The following KCNN4 variants were observed in gnomAD, a reference collection of about 807,000 sequenced individuals.
KCNN4 encodes potassium calcium-activated channel subfamily N member 4.
Under a neutral mutation model 45.2 loss-of-function variants are expected in KCNN4, and 31 were observed. The observed-to-expected ratio is 0.69, with a 90% CI of 0.52 to 0.92. The LOEUF is 0.92. KCNN4 is among the 40% of genes least tolerant of loss of function. The pLI is 0.00. For synonymous variants in KCNN4, 231 were observed against 254.6 expected (o/e 0.91, Z 0.88); for missense variants, 463 against 574.0 (o/e 0.81, Z 1.98).
intron 1 of KCNN4, among the ~76,000 whole-genome samples, chr19:43,779,750 C>T (rs1969918590): frequency 6.6e-6 from 1 of 152,080 alleles, no homozygotes; most frequent in African/African-American, 2.4e-5. Context: ...GCCCCTCTTC[C>T]CCAAAAGCAA....
Position 43,769,790 on chromosome 19 carries a change from G to A in KCNN4, c.859C>T (p.Arg287Trp), listed in dbSNP as rs568679538. 2.5e-6 allele frequency: 4 copies of A among 1,613,610 alleles called. No homozygotes were observed. The highest frequency in any genetic ancestry group is 3.3e-5 in the Admixed American group (2 of 59,994). The stretch of plus-strand genomic sequence containing the variant: ...TCTGCCTTGTTAAACTCCAGCTTCC[G>A]GGCCACCACGGCCACCAGCAGGGCT... ...CTALLVAVVA[R>W]KLEFNKAEKH... Residue 287 changes from arginine (R) to tryptophan (W), a missense_variant, in exon 5 of 9, where the codon CGG (arginine) becomes TGG (tryptophan). Physicochemically the swap from Arg to Trp is moderately radical, Grantham distance 101. Around this residue, in one of 3 missense-constraint regions of KCNN4, gnomAD observed 109 missense variants for 183.7 expected, o/e 0.59. Transcript: ENST00000648319. This position sits in a 1 kb window ranked among gnomAD's most constrained non-coding sequence, Gnocchi z 4.4.
Position 43,772,003 on chromosome 19 carries a change from G to T in KCNN4, c.816C>A (p.Val272=). 1 of 1,607,784 alleles carries T rather than the reference G, an allele frequency of 6.2e-7. No individual in the cohort carries two copies. Among genetic ancestry groups the T allele is most frequent in the Non-Finnish European group, 8.5e-7 (1 of 1,177,610 alleles). The change falls in exon 4 of 9, where the codon GTC becomes GTA. Residue 272 remains valine, a synonymous_variant. Coordinates refer to ENST00000648319, the MANE Select transcript of KCNN4 (RefSeq NM_002250.3). The surrounding 1 kb of genome is among the most constrained non-coding windows in gnomAD (Gnocchi z 4.4). The part of the protein sequence containing the change: ...WGKIVCLCTG[V]MGVCCTALLV... The stretch of plus-strand genomic sequence containing the variant: ...TCCCCAAGGCAGCTGTACTCACCAT[G>T]ACTCCAGTGCACAGGCAGACGATCT...
intron 8 of KCNN4, 195 bp downstream of exon 8, chr19:43,767,345 G>A (rs1474056748): frequency 4.7e-6 from 3 of 632,494 alleles, no homozygotes; most frequent in South Asian, 2.1e-5. Flanking sequence ...GGTCAGTGAA[G>A]GGGAGAGGGT....
rs1387698509 is a variant in KCNN4, at chr19:43,769,477, G to A, written c.1014C>T (p.Arg338=). ...CGGCCAGCAGCTTGCGCTGATGCCT[G>A]CGGGCAGCATGAGACTCCTTCCTGC... is the stretch of plus-strand genomic sequence containing the variant. The part of the protein sequence containing the change: ...HTRRKESHAA[R]RHQRKLLAAI... Residue 338 remains arginine (R), a synonymous_variant, in exon 6 of 9, where the codon CGC becomes CGT. Transcript: ENST00000648319. The surrounding 1 kb of genome is among the most constrained non-coding windows in gnomAD (Gnocchi z 4.4). 4 of 1,614,122 alleles carry A rather than the reference G, an allele frequency of 2.5e-6. No homozygotes were observed. In the African/African-American group the frequency reaches 4.0e-5, roughly 16 times the overall value.
At chr19:43,768,851 A>G in intron 7 of KCNN4, 112 bp downstream of exon 7, 1 of 922,098 alleles carries the variant, frequency 1.1e-6, no homozygotes, top group Non-Finnish European at 1.8e-6. Context: ...CTTTACTGAC[A>G]GGCTGTGTGT....
At chr19:43,775,806 C>T (rs1354813859) in intron 2 of KCNN4, among the ~76,000 whole-genome samples, 4 of 151,784 alleles carry the variant, frequency 2.6e-5, no homozygotes, top group Admixed American at 2.6e-4. Flanking sequence ...GTTATTGGCA[C>T]AGAGATAGGG....
At chr19:43,771,432 G>C (rs1969640367) in intron 4 of KCNN4, among the ~76,000 whole-genome samples, 1 of 152,174 alleles carries the variant, frequency 6.6e-6, no homozygotes, top group Non-Finnish European at 1.5e-5. Flanking sequence ...GGCCCCGAGA[G>C]ATCACGTGGC....
intron 8 of KCNN4, 92 bp from the exon 9 acceptor site, chr19:43,767,181 A>G (rs937394147): frequency 3.3e-5 from 8 of 242,530 alleles, no homozygotes; most frequent in South Asian, 6.2e-5. Flanking sequence ...ACCGGTGGGC[A>G]GAAGTGGGAG....
Position 43,780,715 on chromosome 19 carries a change from G to A in KCNN4, c.147C>T (p.Phe49=), listed in dbSNP as rs529853437. ...LMVLHAEMLW[F]GGCSWALYLF... ...ATGCCCCACTCACCGAGCACCCCCC[G>A]AACCACAGCATCTCTGCATGCAGCA... The change falls in exon 1 of 9, where the codon TTC becomes TTT. Residue 49 remains phenylalanine, a synonymous_variant. Coordinates refer to ENST00000648319, the MANE Select transcript of KCNN4 (RefSeq NM_002250.3). 30 of 1,600,868 alleles carry A rather than the reference G, an allele frequency of 1.9e-5. No individual in the cohort carries two copies. The highest frequency in any genetic ancestry group is 1.9e-4 in the Admixed American group (11 of 59,026).
intron 1 of KCNN4, among the ~76,000 whole-genome samples, chr19:43,777,444 G>C (rs1199395520): frequency 6.6e-6 from 1 of 151,728 alleles, no homozygotes; most frequent in Non-Finnish European, 1.5e-5. Context: ...CCCAACCCCA[G>C]ATCTGGAAGA....
intron 2 of KCNN4, among the ~76,000 whole-genome samples, chr19:43,775,343 T>A (rs1969769354): frequency 6.6e-6 from 1 of 152,020 alleles, no homozygotes; most frequent in Non-Finnish European, 1.5e-5. Flanking sequence ...AACAAAACAA[T>A]AACAATAACA....
At position 43,769,620 on chromosome 19, in the gene KCNN4, G is replaced by C. The variant is rs1416848645; in HGVS notation, c.931-60C>G. On this transcript the variant is annotated intron_variant, in intron 5 of 8. Coordinates refer to ENST00000648319, the MANE Select transcript of KCNN4 (RefSeq NM_002250.3). This position sits in a 1 kb window ranked among gnomAD's most constrained non-coding sequence, Gnocchi z 4.4. ...ACCCTTACGGTTCTGGGAAGGCAGG[G>C]CTAGGGCTGGGACTCTTGGGTCCTA... 6 of 1,576,946 alleles carry C rather than the reference G, an allele frequency of 3.8e-6. No individual in the cohort carries two copies. The highest frequency in any genetic ancestry group is 5.2e-6 in the Non-Finnish European group (6 of 1,146,546).
At position 43,780,960 on chromosome 19, in the gene KCNN4, G is replaced by C. The variant is rs201336422; in HGVS notation, c.-99C>G. 8.3e-7 allele frequency: 1 copy of C among 1,202,468 alleles called. No individual in the cohort carries two copies. The highest frequency in any genetic ancestry group is 1.2e-6 in the Non-Finnish European group (1 of 840,362). The allele number at this position is 1,202,468 out of a possible 1,614,324, so 74.5% of individuals were successfully genotyped here. On this transcript the variant is annotated 5_prime_UTR_variant, in exon 1 of 9. Transcript: ENST00000648319. ...ACTGTGGCTTGCAGGTCGTCAGCCT[G>C]CTCTGCTGGCTCTGGGACTTTTGCT...
At chr19:43,767,796 A>ATAAGGATGTGGT in intron 7 of KCNN4, 89 bp from the exon 8 acceptor site, 6 of 1,481,912 alleles carry the variant, frequency 4.0e-6, no homozygotes, top group Non-Finnish European at 5.6e-6. Context: ...AATATTGACC[A>ATAAGGATGTGGT]CATCCTTATG....
intron 1 of KCNN4, among the ~76,000 whole-genome samples, chr19:43,778,519 G>A (rs371611425): frequency 2.8e-4 from 42 of 152,324 alleles, no homozygotes; most frequent in Non-Finnish European, 4.9e-4. Context: ...GATTACAGGC[G>A]TGAGCCACCG....
Position 43,775,897 on chromosome 19 carries a change from T to G in KCNN4, c.255+644A>C, listed in dbSNP as rs540933841. 2.3e-3 allele frequency among the ~76,000 whole-genome samples: 356 copies of G among 151,770 alleles called. 2 individuals carry two copies. The highest frequency in any genetic ancestry group is 3.8e-3 in the Non-Finnish European group (259 of 67,920). On this transcript the variant is annotated intron_variant, in intron 2 of 8. Coordinates refer to ENST00000648319, the MANE Select transcript of KCNN4 (RefSeq NM_002250.3). ...ATCCTAGCACTTTGGGAGGACAAGG[T>G]GGGCAGACTGCTTGAGCTCAGTAGT... is the stretch of plus-strand genomic sequence containing the variant.
intron 4 of KCNN4, among the ~76,000 whole-genome samples, chr19:43,771,026 GC>G (rs1969628234): frequency 6.6e-6 from 1 of 152,140 alleles, no homozygotes; most frequent in African/African-American, 2.4e-5. Flanking sequence ...TCCTTCCTAG[GC>G]CCACATCTGG....
chr19:43,767,706 A>T lies in KCNN4; in HGVS notation c.1121T>A (p.Met374Lys), dbSNP rs750580698. 10 of 1,613,994 alleles carry T rather than the reference A, an allele frequency of 6.2e-6. No homozygotes were observed. In the South Asian group the frequency reaches 8.8e-5, roughly 14 times the overall value. The change falls in exon 8 of 9, where the codon ATG (methionine) becomes AAG (lysine). Residue 374 changes from methionine to lysine, a missense_variant and splice_region_variant. This residue lies in a region of KCNN4 where 129 missense variants were observed against 149.4 expected (regional missense o/e 0.86). Coordinates refer to ENST00000648319, the MANE Select transcript of KCNN4 (RefSeq NM_002250.3). ...CTGCAGGTCATACAGGATCATGTGCATCTGGGTGGGAGGAGAGGATCAGAG... is the reference window on the plus strand; with the variant it reads ...CTGCAGGTCATACAGGATCATGTGCTTCTGGGTGGGAGGAGAGGATCAGAG... ...QVNSMVDISK[M>K]HMILYDLQQN...
rs1422149651 is a variant in KCNN4, at chr19:43,774,202, C to T, written c.673G>A (p.Val225Met). 6.2e-7 allele frequency: 1 copy of T among 1,610,500 alleles called. No individual in the cohort carries two copies. The change falls in exon 3 of 9, where the codon GTG becomes ATG. Residue 225 changes from valine (V) to methionine (M), a missense_variant. This residue lies in a region of KCNN4 where 109 missense variants were observed against 183.7 expected (regional missense o/e 0.59). Transcript: ENST00000648319. The surrounding 1 kb of genome is among the most constrained non-coding windows in gnomAD (Gnocchi z 5.6). ...CTCCATCACCCTCACCTCTCGGCCA[C>T]GGACAGCACCCAGGCGGTGGTCAGC... ...LWLTTAWVLSVAERQAVNATG... is the reference protein window; with the variant it reads ...LWLTTAWVLSMAERQAVNATG...
Sources: gnomAD v4.1 joint callset for allele counts (sites outside exome capture counted in the v4.1 genomes callset) on GRCh38, gnomAD v4.1.1 for gene constraint, gnomAD v4.1.1 regional missense constraint, Gnocchi (gnomAD v3.1) non-coding constraint, MANE v1.5 for transcripts, NCBI Gene and HGNC (gene_info 2026-07-23, HGNC 2026-07-21) for gene names.